Variants in LRBA observed in about 807,000 individuals in gnomAD.
LRBA encodes LPS responsive beige-like anchor protein, also known as lipopolysaccharide-responsive and beige-like anchor protein.
LRBA carries 176 observed loss-of-function variants against 330.0 expected under a neutral mutation model. That is an observed-to-expected ratio of 0.53 (90% CI 0.47 to 0.60). The LOEUF is 0.60. Among genes scored for constraint, LRBA ranks in the 20% least tolerant of loss-of-function variants. The pLI is 0.00. For synonymous variants in LRBA, 1,230 were observed against 1,193.0 expected, an observed-to-expected ratio of 1.03 and a Z score of -0.64; for missense variants, 3,259 against 3,444.8, an observed-to-expected ratio of 0.95 and a Z score of 1.35.
At chr4:150,628,956 G>A (rs1231173995) in intron 37 of LRBA, among the ~76,000 whole-genome samples, 1 of 152,184 alleles carries the variant, frequency 6.6e-6, no homozygotes, top group East Asian at 1.9e-4. Flanking sequence ...TGACTGTAGT[G>A]GCTTGATGAT....
At position 150,909,207 on chromosome 4, in the gene LRBA, T is replaced by C. The variant is rs1034861750; in HGVS notation, c.1162-350A>G. On this transcript the variant is annotated intron_variant, in intron 9 of 56. Coordinates refer to ENST00000651943, the MANE Select transcript of LRBA (RefSeq NM_001364905.1). ...TTGAGAAACATTAACTGTATTCATA[T>C]TGTTCAACAGCAAATCTCTAGAACT... is the stretch of plus-strand genomic sequence containing the variant. Among the ~76,000 whole-genome samples, 6 of 152,216 alleles carry C rather than the reference T, an allele frequency of 3.9e-5. No homozygotes were observed. In the South Asian group the frequency reaches 6.2e-4, roughly 16 times the overall value.
chr4:150,777,134 G>C (rs950959658), intron 34 of LRBA, among the ~76,000 whole-genome samples: 10 of 151,370 alleles, frequency 6.6e-5, no homozygotes, highest in Admixed American at 4.6e-4. Context: ...TCACTCTCTC[G>C]CCCAGGCAAA....
intron 41 of LRBA, among the ~76,000 whole-genome samples, chr4:150,488,553 GTTAAT>G (rs1206065635): frequency 4.6e-5 from 7 of 151,416 alleles, no homozygotes; most frequent in Non-Finnish European, 8.9e-5. Flanking sequence ...AGCAATAAAT[GTTAAT>G]TTATGAGAGT....
At chr4:150,989,494 T>A (rs1047195697) in intron 2 of LRBA, among the ~76,000 whole-genome samples, 1 of 151,910 alleles carries the variant, frequency 6.6e-6, no homozygotes, top group Non-Finnish European at 1.5e-5. Flanking sequence ...ACACCTGTAG[T>A]CCCAGCTACT....
At chr4:150,997,214 T>C (rs1742754731) in intron 2 of LRBA, among the ~76,000 whole-genome samples, 1 of 152,326 alleles carries the variant, frequency 6.6e-6, no homozygotes, top group East Asian at 1.9e-4. Flanking sequence ...TTGTGCAATA[T>C]GTTATGCTAA....
intron 56 of LRBA, among the ~76,000 whole-genome samples, chr4:150,270,714 C>T (rs1745962632): frequency 6.6e-6 from 1 of 152,030 alleles, no homozygotes; most frequent in Non-Finnish European, 1.5e-5. Flanking sequence ...AAATGAGTGA[C>T]TATACGTTAA....
chr4:150,642,807 A>G (rs1441686261), intron 37 of LRBA, among the ~76,000 whole-genome samples: 3 of 151,926 alleles, frequency 2.0e-5, no homozygotes, highest in African/African-American at 7.2e-5. Flanking sequence ...TAGATGTTTT[A>G]TATAGCAAAT....
chr4:150,279,209 A>G (rs1012024244), intron 55 of LRBA, among the ~76,000 whole-genome samples: 26 of 152,220 alleles, frequency 1.7e-4, no homozygotes, highest in African/African-American at 6.0e-4. Context: ...CAGAGAATGC[A>G]GAACCCTCAA....
At chr4:150,317,241 T>A (rs1731838531) in intron 50 of LRBA, among the ~76,000 whole-genome samples, 1 of 152,144 alleles carries the variant, frequency 6.6e-6, no homozygotes, top group Non-Finnish European at 1.5e-5. Context: ...ATTATTCCTG[T>A]CTTACCATAA....
chr4:150,355,084 T>C (rs1173568588), intron 47 of LRBA, among the ~76,000 whole-genome samples: 2 of 151,990 alleles, frequency 1.3e-5, no homozygotes, highest in African/African-American at 2.4e-5. Flanking sequence ...TATTATTTTC[T>C]ATAGTGGAGT....
chr4:150,341,484 T>C (rs116822744), intron 48 of LRBA, among the ~76,000 whole-genome samples: 139 of 152,202 alleles, frequency 9.1e-4, no homozygotes, highest in African/African-American at 3.2e-3. Flanking sequence ...CAACTTCTTA[T>C]GCTCTCCCTT....
At chr4:150,265,921 A>C (rs1745253924) in intron 56 of LRBA, 109 bp from the exon 57 acceptor site, 3 of 707,272 alleles carry the variant, frequency 4.2e-6, no homozygotes, top group Non-Finnish European at 5.1e-6. Context: ...CTGGCAGTGA[A>C]GGCTCCAATT....
intron 2 of LRBA, among the ~76,000 whole-genome samples, chr4:150,956,910 T>C (rs892751310): frequency 2.0e-5 from 3 of 149,234 alleles, no homozygotes; most frequent in Non-Finnish European, 4.4e-5. Flanking sequence ...AACATCATAC[T>C]TAATGGAAGT....
intron 36 of LRBA, among the ~76,000 whole-genome samples, chr4:150,731,263 G>A (rs1025442393): frequency 6.6e-6 from 1 of 152,156 alleles, no homozygotes; most frequent in Middle Eastern, 3.4e-3. Flanking sequence ...TAGAGCTACC[G>A]TATGATCCAG....
intron 53 of LRBA, among the ~76,000 whole-genome samples, chr4:150,298,386 A>G (rs1456704383): frequency 1.3e-5 from 2 of 152,134 alleles, no homozygotes; most frequent in African/African-American, 2.4e-5. Context: ...AAAAATTTAG[A>G]ATGCCTTAAA....
At chr4:150,642,437 A>G (rs1343969166) in intron 37 of LRBA, among the ~76,000 whole-genome samples, 51 of 151,940 alleles carry the variant, frequency 3.4e-4, no homozygotes, top group Admixed American at 3.3e-3. Context: ...TAAAATATTC[A>G]TATTCCATTT....
At chr4:150,951,858 T>C (rs557493745) in intron 2 of LRBA, among the ~76,000 whole-genome samples, 1 of 152,328 alleles carries the variant, frequency 6.6e-6, no homozygotes, top group South Asian at 2.1e-4. Flanking sequence ...CTTCATAAAG[T>C]TCCAAATAAA....
chr4:150,472,203 T>C (rs1756212732), intron 42 of LRBA, among the ~76,000 whole-genome samples: 1 of 152,084 alleles, frequency 6.6e-6, no homozygotes, highest in Non-Finnish European at 1.5e-5. Flanking sequence ...CTCTAAACTA[T>C]TTGGGCGTCT....
At chr4:150,885,182 T>C (rs781385771) in intron 17 of LRBA, among the ~76,000 whole-genome samples, 6 of 117,490 alleles carry the variant, frequency 5.1e-5, no homozygotes, top group South Asian at 5.3e-4. Flanking sequence ...TGTTCCAACA[T>C]AGATGTAACA....
Sources: allele counts gnomAD v4.1 joint callset (sites outside exome capture counted in the v4.1 genomes callset), GRCh38; gene constraint gnomAD v4.1.1; transcripts MANE v1.5; gene names NCBI Gene and HGNC (gene_info 2026-07-23, HGNC 2026-07-21).